The following SPTBN1 variants were observed in gnomAD, a reference collection of about 807,000 sequenced individuals.
SPTBN1 encodes spectrin beta chain, non-erythrocytic 1.
A neutral mutation model predicts 266.4 loss-of-function variants in SPTBN1; 32 were observed. The observed-to-expected ratio is 0.12, with a 90% CI of 0.09 to 0.16. The LOEUF is 0.16. Ranked by LOEUF, SPTBN1 falls within the 10% of genes least tolerant of loss-of-function variation. The pLI, the probability that SPTBN1 is intolerant of heterozygous loss-of-function variation, is 1.00. For synonymous variants in SPTBN1, 1,336 were observed against 1,162.2 expected (o/e 1.15, Z -3.04); for missense variants, 2,296 against 3,067.1 (o/e 0.75, Z 5.94).
intron 2 of SPTBN1, among the ~76,000 whole-genome samples, chr2:54,562,282 C>A (rs1292222837): frequency 6.6e-6 from 1 of 152,158 alleles, no homozygotes; most frequent in Non-Finnish European, 1.5e-5. Flanking sequence ...GCCACTTTCC[C>A]CCTCAGAAAC....
At chr2:54,524,005 C>G (rs1670646428) in intron 1 of SPTBN1, among the ~76,000 whole-genome samples, 1 of 152,164 alleles carries the variant, frequency 6.6e-6, no homozygotes, top group Non-Finnish European at 1.5e-5. Flanking sequence ...TCGAGACCAG[C>G]CTGGCCAATA....
chr2:54,565,077 A>C (rs4567979), intron 2 of SPTBN1, among the ~76,000 whole-genome samples: 43,887 of 152,080 alleles, frequency 0.29, 7,882 homozygotes, highest in Admixed American at 0.37. Context: ...AAAATCTCAG[A>C]TCTCCACTTC....
intron 1 of SPTBN1, among the ~76,000 whole-genome samples, chr2:54,465,326 A>G (rs1236506971): frequency 6.6e-6 from 1 of 152,178 alleles, no homozygotes; most frequent in Non-Finnish European, 1.5e-5. Context: ...GTGGAATTCC[A>G]TGACGTGCAT....
intron 1 of SPTBN1, among the ~76,000 whole-genome samples, chr2:54,470,906 G>T (rs1693886265): frequency 1.3e-5 from 2 of 152,162 alleles, no homozygotes; most frequent in Admixed American, 1.3e-4. Context: ...TTTGAATGTG[G>T]CCCAGCACAA....
chr2:54,645,014 A>G lies in SPTBN1; in HGVS notation c.4270-215A>G, dbSNP rs1184913463. ...TAAAAATAACTGTTTATATTATATCACCGTAGAGGGCTTTAAGGGCAAATG... is the reference window on the plus strand; with the variant it reads ...TAAAAATAACTGTTTATATTATATCGCCGTAGAGGGCTTTAAGGGCAAATG... On this transcript the variant is annotated intron_variant, in intron 20 of 35. Coordinates refer to ENST00000356805, the MANE Select transcript of SPTBN1 (RefSeq NM_003128.3). This position sits in a 1 kb window ranked among gnomAD's most constrained non-coding sequence, Gnocchi z 4.3. 1.7e-6 allele frequency: 1 copy of G among 572,966 alleles called. No individual in the cohort carries two copies. The highest frequency in any genetic ancestry group is 1.9e-5 in the African/African-American group (1 of 53,508). 35.5% of individuals were successfully genotyped at this position (572,966 alleles called of 1,614,324 possible). A position where few individuals can be genotyped will look rare whatever the true frequency, so the allele number is the denominator to read the frequency against.
At chr2:54,634,965 G>A (rs1679019018) in intron 17 of SPTBN1, among the ~76,000 whole-genome samples, 1 of 152,166 alleles carries the variant, frequency 6.6e-6, no homozygotes, top group Non-Finnish European at 1.5e-5. Context: ...CAGTTCATGG[G>A]GAGCAAGGAA....
intron 32 of SPTBN1, 140 bp downstream of exon 32, chr2:54,660,139 CT>C (rs756103178): frequency 7.6e-5 from 118 of 1,560,062 alleles, no homozygotes; most frequent in Non-Finnish European, 1.0e-4. Flanking sequence ...TGGGTTTTGA[CT>C]TTTTGGCTTC....
Position 54,628,551 on chromosome 2 carries a change from T to C in SPTBN1, c.1798+301T>C, listed in dbSNP as rs1274531348. 6.6e-6 allele frequency among the ~76,000 whole-genome samples: 1 copy of C among 152,230 alleles called. No individual in the cohort carries two copies. Among genetic ancestry groups the C allele is most frequent in the Non-Finnish European group, 1.5e-5 (1 of 68,044 alleles). On this transcript the variant is annotated intron_variant, in intron 13 of 35. Coordinates refer to ENST00000356805, the MANE Select transcript of SPTBN1 (RefSeq NM_003128.3). The surrounding 1 kb of genome is among the most constrained non-coding windows in gnomAD (Gnocchi z 4.3). Reference sequence around the variant, plus strand: ...TGCACCGACACCCTGGTGTGGCTGTTCCAGCAGCTCCTGGCTTTCACAGCT... The same window carrying C: ...TGCACCGACACCCTGGTGTGGCTGTCCCAGCAGCTCCTGGCTTTCACAGCT...
rs1476521188 is a variant in SPTBN1, at chr2:54,668,596, C to T, written c.*27C>T. 3 of 1,573,676 alleles carry T rather than the reference C, an allele frequency of 1.9e-6. No individual in the cohort carries two copies. Among genetic ancestry groups the T allele is most frequent in the Non-Finnish European group, 2.6e-6 (3 of 1,157,816 alleles). ...CTCCTTTCCTTCACCTCCTGCCCTTCTCTTACCTTTTCAGTGAAATTCCAG... is the reference window on the plus strand; with the variant it reads ...CTCCTTTCCTTCACCTCCTGCCCTTTTCTTACCTTTTCAGTGAAATTCCAG... On this transcript the variant is annotated 3_prime_UTR_variant, in exon 36 of 36. Transcript: ENST00000356805.
Position 54,645,052 on chromosome 2 carries a change from A to G in SPTBN1, c.4270-177A>G, listed in dbSNP as rs760412855. On this transcript the variant is annotated intron_variant, in intron 20 of 35. Coordinates refer to ENST00000356805, the MANE Select transcript of SPTBN1 (RefSeq NM_003128.3). This position sits in a 1 kb window ranked among gnomAD's most constrained non-coding sequence, Gnocchi z 4.3. ...TTAAGGGCAAATGAATTTACCTCAG[A>G]TTTACTTGAAAACAGTTCCATTGAT... 4.8e-6 allele frequency: 3 copies of G among 625,794 alleles called. No individual in the cohort carries two copies. Among genetic ancestry groups the G allele is most frequent in the Non-Finnish European group, 8.3e-6 (3 of 360,068 alleles). The allele number at this position is 625,794 out of a possible 1,614,324, so 38.8% of individuals were successfully genotyped here.
intron 18 of SPTBN1, among the ~76,000 whole-genome samples, chr2:54,640,716 T>A (rs1018353199): frequency 2.0e-5 from 3 of 152,156 alleles, no homozygotes; most frequent in Non-Finnish European, 4.4e-5. Context: ...CACACCCAGC[T>A]AGTTTTTGTA....
rs1670758713 is a variant in SPTBN1 at position 54,525,629 on chromosome 2, T to C, written c.-47-743T>C. On this transcript the variant is annotated intron_variant, in intron 1 of 35. Coordinates refer to ENST00000356805, the MANE Select transcript of SPTBN1 (RefSeq NM_003128.3). ...TCTCTTATATAACATTTTATGAATTTCCAGGAGAAGCTTAAAGATTATAAT... is the reference window on the plus strand; with the variant it reads ...TCTCTTATATAACATTTTATGAATTCCCAGGAGAAGCTTAAAGATTATAAT... 3.3e-5 allele frequency among the ~76,000 whole-genome samples: 5 copies of C among 152,394 alleles called. No individual in the cohort carries two copies. In the South Asian group the frequency reaches 1.0e-3, roughly 32 times the overall value.
At chr2:54,492,800 T>G (rs1246951338) in intron 1 of SPTBN1, among the ~76,000 whole-genome samples, 1 of 152,162 alleles carries the variant, frequency 6.6e-6, no homozygotes, top group Non-Finnish European at 1.5e-5. Context: ...TTGGCTTGTA[T>G]AAACTAGAGC....
intron 16 of SPTBN1, 118 bp from the exon 17 acceptor site, chr2:54,632,448 T>G: frequency 9.3e-7 from 1 of 1,079,322 alleles, no homozygotes; most frequent in East Asian, 2.4e-5. Flanking sequence ...TGTGATTTAA[T>G]TATTTCATGT....
intron 1 of SPTBN1, among the ~76,000 whole-genome samples, chr2:54,458,746 T>G (rs529125106): frequency 1.8e-4 from 28 of 152,308 alleles, no homozygotes; most frequent in Non-Finnish European, 3.4e-4. Flanking sequence ...AAATGGGATA[T>G]ATTTCAAATG....
chr2:54,625,718 G>A (rs1291109107), intron 11 of SPTBN1, among the ~76,000 whole-genome samples: 1 of 152,120 alleles, frequency 6.6e-6, no homozygotes, highest in East Asian at 1.9e-4. Context: ...AGCCTACCAA[G>A]TAGCTGGCAT....
At chr2:54,531,889 A>G (rs1021312757) in intron 2 of SPTBN1, among the ~76,000 whole-genome samples, 3 of 152,162 alleles carry the variant, frequency 2.0e-5, no homozygotes, top group African/African-American at 7.2e-5. Context: ...TTTTTCTCCA[A>G]GCAGAGAAAA....
chr2:54,652,010 C>T (rs188505058), intron 26 of SPTBN1, among the ~76,000 whole-genome samples: 9 of 152,284 alleles, frequency 5.9e-5, no homozygotes, highest in African/African-American at 1.7e-4. Context: ...CGTACCCCCC[C>T]GCCTTTTACC....
At chr2:54,516,241 T>G (rs2104254767) in intron 1 of SPTBN1, 1 of 152,340 alleles carries the variant, frequency 6.6e-6, no homozygotes, top group East Asian at 1.9e-4. Flanking sequence ...AAAACTTTAG[T>G]TTATTCACCT....
Sources: allele counts gnomAD v4.1 joint callset (sites outside exome capture counted in the v4.1 genomes callset), GRCh38; gene constraint gnomAD v4.1.1; non-coding constraint Gnocchi (gnomAD v3.1); transcripts MANE v1.5; gene names NCBI Gene and HGNC (gene_info 2026-07-23, HGNC 2026-07-21).